Variants in RBM28 observed in about 807,000 individuals in gnomAD.
RBM28 encodes RNA-binding protein 28.
Under a neutral mutation model 98.3 loss-of-function variants are expected in RBM28, and 78 were observed. The ratio of observed to expected loss-of-function variants is 0.79; its 90% CI spans 0.66 to 0.96. RBM28 has a LOEUF of 0.96. Ranked by LOEUF, RBM28 falls within the 40% of genes least tolerant of loss-of-function variation. The pLI is 0.00. For missense variants in RBM28, 838 were observed against 913.0 expected, an observed-to-expected ratio of 0.92 and a Z score of 1.06; for synonymous variants, 306 against 330.9, an observed-to-expected ratio of 0.92 and a Z score of 0.82.
intron 10 of RBM28, among the ~76,000 whole-genome samples, chr7:128,329,267 T>C (rs186659471): frequency 2.0e-3 from 307 of 151,942 alleles, no homozygotes; most frequent in African/African-American, 7.1e-3. Flanking sequence ...GCCCGGCTAA[T>C]TTTGTATTTT....
At chr7:128,325,028 T>TA (rs1796317950) in intron 11 of RBM28, among the ~76,000 whole-genome samples, 1 of 151,170 alleles carries the variant, frequency 6.6e-6, no homozygotes, top group African/African-American at 2.4e-5. Flanking sequence ...TAAAATAAAA[T>TA]AAAAAAATAA....
At chr7:128,338,121 G>A in intron 5 of RBM28, 129 bp downstream of exon 5, 1 of 727,858 alleles carries the variant, frequency 1.4e-6, no homozygotes, top group Non-Finnish European at 2.5e-6. Context: ...CACCTAAATA[G>A]CTACCGTATT....
intron 13 of RBM28, 132 bp downstream of exon 13, chr7:128,323,395 T>C: frequency 9.7e-7 from 1 of 1,028,328 alleles, no homozygotes; most frequent in African/African-American, 1.6e-5. Context: ...TGTGCTTTTC[T>C]CCCTAACAGG....
intron 17 of RBM28, among the ~76,000 whole-genome samples, chr7:128,313,832 C>T (rs973344722): frequency 3.9e-5 from 6 of 152,174 alleles, no homozygotes; most frequent in African/African-American, 1.4e-4. Context: ...CTGCTCCTGG[C>T]CATGTGATGT....
At chr7:128,319,848 G>GA in intron 14 of RBM28, among the ~76,000 whole-genome samples, 1 of 152,276 alleles carries the variant, frequency 6.6e-6, no homozygotes, top group Non-Finnish European at 1.5e-5. Context: ...CGAAGCAGGG[G>GA]AATCATCTGA....
intron 11 of RBM28, among the ~76,000 whole-genome samples, chr7:128,325,432 GAGTAATTCTCCATCACCC>G (rs2116352708): frequency 6.6e-6 from 1 of 152,262 alleles, no homozygotes; most frequent in Non-Finnish European, 1.5e-5. Flanking sequence ...AGAACAAATG[GAGTAATTCTCCATCACCC>G]ACACACATTC....
At position 128,333,369 on chromosome 7, in the gene RBM28, TAAAAAGAAAAACAACAAACTG is replaced by T. The variant is rs1796527257; in HGVS notation, c.947-28_947-8del. 6.3e-7 allele frequency: 1 copy of T among 1,583,604 alleles called. No individual in the cohort carries two copies. The highest frequency in any genetic ancestry group is 1.4e-5 in the African/African-American group (1 of 73,990). ...TTGTTTGAGACTTGCACAGCTAAGG[TAAAAAGAAAAACAACAAACTG>T]AAAGAGATTAGTGTAAGCCACATGA... is the stretch of plus-strand genomic sequence containing the variant. On this transcript the variant is annotated splice_polypyrimidine_tract_variant and splice_region_variant and intron_variant, in intron 8 of 18. Transcript: ENST00000223073.
intron 9 of RBM28, among the ~76,000 whole-genome samples, chr7:128,332,988 C>T (rs1021792733): frequency 1.3e-5 from 2 of 152,226 alleles, no homozygotes; most frequent in African/African-American, 4.8e-5. Context: ...AGCACTCCCC[C>T]TAAAACAAAG....
At position 128,321,532 on chromosome 7, in the gene RBM28, T is replaced by C. The variant is rs145676692; in HGVS notation, c.1405-108A>G. On this transcript the variant is annotated intron_variant, in intron 13 of 18. Coordinates refer to ENST00000223073, the MANE Select transcript of RBM28 (RefSeq NM_018077.3). ...GATCCTCATCCCATAACCACACATA[T>C]AGAAAACGGATGGAAACTGCCCACA... The C allele has an allele frequency of 9.3e-6, 13 of 1,393,250 alleles. No individual in the cohort carries two copies. In the Admixed American group the frequency reaches 1.1e-4, roughly 12 times the overall value. 86.3% of individuals were successfully genotyped at this position (1,393,250 alleles called of 1,614,324 possible). A position where few individuals can be genotyped will look rare whatever the true frequency, so the allele number is the denominator to read the frequency against.
In RBM28 at chr7:128,297,909, T is replaced by C. The variant is rs1213638822; in HGVS notation, c.*12888A>G. On this transcript the variant is annotated 3_prime_UTR_variant, in exon 19 of 19. Coordinates refer to ENST00000223073, the MANE Select transcript of RBM28 (RefSeq NM_018077.3). The stretch of plus-strand genomic sequence containing the variant: ...AGAACAAAAAACCAAACACCGCATA[T>C]TCTCACTCATAGGTGGGAATTGAAC... 2 of 143,726 alleles carry C rather than the reference T, an allele frequency of 1.4e-5. No homozygotes were observed. Among genetic ancestry groups the C allele is most frequent in the Non-Finnish European group, 3.0e-5 (2 of 66,600 alleles). The allele number at this position is 143,726 out of a possible 1,614,324, so 8.9% of individuals were successfully genotyped here. A position where few individuals can be genotyped will look rare whatever the true frequency, so the allele number is the denominator to read the frequency against.
At chr7:128,317,628 C>G in intron 16 of RBM28, 31 bp downstream of exon 16, 1 of 1,499,602 alleles carries the variant, frequency 6.7e-7, no homozygotes, top group Non-Finnish European at 9.3e-7. Flanking sequence ...AGTTTATGTC[C>G]TTAAAAATAT....
intron 8 of RBM28, among the ~76,000 whole-genome samples, chr7:128,334,043 A>G (rs901915823): frequency 6.6e-6 from 1 of 152,260 alleles, no homozygotes; most frequent in Non-Finnish European, 1.5e-5. Context: ...ATGTGTGTGT[A>G]TATGTGTGCA....
chr7:128,341,219 A>C (rs777747375), intron 1 of RBM28: 1 of 1,280,244 alleles, frequency 7.8e-7, no homozygotes, highest in South Asian at 1.2e-5. Flanking sequence ...ATCTACATAA[A>C]CTGGTTAAAG....
At position 128,337,177 on chromosome 7, in the gene RBM28, G is replaced by A. The variant is rs779773506; in HGVS notation, c.567C>T (p.Ala189=). 33 of 1,613,942 alleles carry A rather than the reference G, an allele frequency of 2.0e-5. No homozygotes were observed. Among genetic ancestry groups the A allele is most frequent in the African/African-American group, 9.3e-5 (7 of 74,942 alleles). Reference sequence around the variant, plus strand: ...TATCTTTATATTTATCCTTTGCCACGGCCCAATCCACAGCCACTGTCCGGC... The same window carrying A: ...TATCTTTATATTTATCCTTTGCCACAGCCCAATCCACAGCCACTGTCCGGC... ...IKGRTVAVDW[A]VAKDKYKDTQ... Residue 189 remains alanine, a synonymous_variant, in exon 6 of 19, where the codon GCC becomes GCT. Coordinates refer to ENST00000223073, the MANE Select transcript of RBM28 (RefSeq NM_018077.3).
At chr7:128,318,177 T>C (rs1796146974) in intron 14 of RBM28, 71 bp from the exon 15 acceptor site, 1 of 1,447,284 alleles carries the variant, frequency 6.9e-7, no homozygotes, top group Middle Eastern at 1.9e-4. Flanking sequence ...ACTGCTTTAA[T>C]AGAGTCAATA....
intron 6 of RBM28, 48 bp downstream of exon 6, chr7:128,337,083 A>T (rs768780383): frequency 6.3e-7 from 1 of 1,579,880 alleles, no homozygotes; most frequent in Non-Finnish European, 8.7e-7. Context: ...CAATACTCTC[A>T]CCCAGGTTAT....
At chr7:128,335,724 G>T (rs1796583000) in intron 7 of RBM28, 45 bp from the exon 8 acceptor site, 1 of 1,613,846 alleles carries the variant, frequency 6.2e-7, no homozygotes, top group African/African-American at 1.3e-5. Flanking sequence ...CTGACAGAGG[G>T]CCTATTCAAT....
At position 128,302,163 on chromosome 7, in the gene RBM28, G is replaced by A. The variant is rs986494729; in HGVS notation, c.*8634C>T. The stretch of plus-strand genomic sequence containing the variant: ...TGTTATTAACCATTATGTGAGTTTA[G>A]AGTGCCCGTCCTATTGCAGAGAGGG... On this transcript the variant is annotated 3_prime_UTR_variant, in exon 19 of 19. Coordinates refer to ENST00000223073, the MANE Select transcript of RBM28 (RefSeq NM_018077.3). The A allele has an allele frequency of 1.4e-4, 22 of 152,254 alleles. No individual in the cohort carries two copies. Among genetic ancestry groups the A allele is most frequent in the African/African-American group, 5.1e-4 (21 of 41,460 alleles). The allele number at this position is 152,254 out of a possible 1,614,324, so 9.4% of individuals were successfully genotyped here. A position where few individuals can be genotyped will look rare whatever the true frequency, so the allele number is the denominator to read the frequency against.
chr7:128,314,752 C>G lies in RBM28; in HGVS notation c.2045+12G>C. Reference sequence around the variant, plus strand: ...ACCCACTGTTCTGTGCTTCTGCCCTCCTGCATCTCACCTGATTTTGGGGCC... The same window carrying G: ...ACCCACTGTTCTGTGCTTCTGCCCTGCTGCATCTCACCTGATTTTGGGGCC... On this transcript the variant is annotated intron_variant, in intron 17 of 18. Transcript: ENST00000223073. 1 of 1,614,234 alleles carries G rather than the reference C, an allele frequency of 6.2e-7. No individual in the cohort carries two copies. The highest frequency in any genetic ancestry group is 8.5e-7 in the Non-Finnish European group (1 of 1,180,038).
Sources: allele counts gnomAD v4.1 joint callset (sites outside exome capture counted in the v4.1 genomes callset), GRCh38; gene constraint gnomAD v4.1.1; transcripts MANE v1.5; gene names NCBI Gene and HGNC (gene_info 2026-07-23, HGNC 2026-07-21).